Variants in NUP62CL observed in about 807,000 individuals in gnomAD.
NUP62CL encodes the protein nucleoporin-62 C-terminal-like protein.
A neutral mutation model predicts 15.3 loss-of-function variants in NUP62CL; 13 were observed. The ratio of observed to expected loss-of-function variants is 0.85; its 90% CI spans 0.55 to 1.35. NUP62CL has a LOEUF of 1.35. Among genes scored for constraint, NUP62CL ranks in the 40% most tolerant of loss-of-function variants. NUP62CL has a pLI of 0.00. For missense variants in NUP62CL, 123 were observed against 130.6 expected, an observed-to-expected ratio of 0.94 and a Z score of 0.28; for synonymous variants, 54 against 49.2, an observed-to-expected ratio of 1.10 and a Z score of -0.41.
At chrX:107,202,058 T>C (rs1163495385) in intron 1 of NUP62CL, among the ~76,000 whole-genome samples, 2 of 111,946 alleles carry the variant, frequency 1.8e-5, no homozygotes, top group Admixed American at 1.9e-4. Flanking sequence ...TAAATACAGA[T>C]TGGAAAAATG....
chrX:107,199,235 G>A (rs1297138221), intron 1 of NUP62CL, among the ~76,000 whole-genome samples: 3 of 112,123 alleles, frequency 2.7e-5, no homozygotes, highest in East Asian at 5.6e-4. Flanking sequence ...TGAGGAAGCA[G>A]AGGCTCTGAG....
chrX:107,164,580 T>C (rs768899316), intron 4 of NUP62CL, among the ~76,000 whole-genome samples: 57 of 111,544 alleles, frequency 5.1e-4, no homozygotes, highest in African/African-American at 1.6e-3. Flanking sequence ...ATCGATAAAA[T>C]TGATAAAAGA....
intron 8 of NUP62CL, among the ~76,000 whole-genome samples, chrX:107,128,833 G>A (rs1008578635): frequency 4.5e-5 from 5 of 111,852 alleles, no homozygotes; most frequent in African/African-American, 1.6e-4. Context: ...ACCAGATAGG[G>A]GTTAGATTAT....
intron 4 of NUP62CL, among the ~76,000 whole-genome samples, chrX:107,161,885 A>C (rs1445633493): frequency 1.9e-5 from 2 of 107,832 alleles, no homozygotes; most frequent in African/African-American, 6.7e-5. Flanking sequence ...CTTGAAAGAG[A>C]AAAGGCAACA....
At chrX:107,170,922 G>T (rs769419892) in intron 3 of NUP62CL, among the ~76,000 whole-genome samples, 1 of 111,802 alleles carries the variant, frequency 8.9e-6, no homozygotes, top group African/African-American at 3.3e-5. Context: ...TAGTAAAAGG[G>T]AAGTATGGTT....
chrX:107,129,275 T>C, intron 8 of NUP62CL, among the ~76,000 whole-genome samples: 1 of 111,480 alleles, frequency 9.0e-6, no homozygotes, highest in South Asian at 3.8e-4. Flanking sequence ...AAAAACAGAA[T>C]TGTCAAAGCA....
chrX:107,128,107 T>G (rs1370433526), intron 8 of NUP62CL, among the ~76,000 whole-genome samples: 2 of 112,116 alleles, frequency 1.8e-5, no homozygotes, highest in East Asian at 5.6e-4. Context: ...ACATTACTAC[T>G]GATTTAGCAT....
intron 4 of NUP62CL, among the ~76,000 whole-genome samples, chrX:107,164,805 C>T (rs1291627309): frequency 8.9e-6 from 1 of 112,949 alleles, no homozygotes; most frequent in Non-Finnish European, 1.9e-5. Flanking sequence ...CCCCTTTAGC[C>T]TAAAAGCCCC....
intron 4 of NUP62CL, among the ~76,000 whole-genome samples, chrX:107,156,184 G>C (rs1007260714): frequency 4.5e-5 from 5 of 111,848 alleles, no homozygotes; most frequent in African/African-American, 1.6e-4. Context: ...AAACTGCAAG[G>C]CGGCAGCCAG....
chrX:107,162,107 A>G (rs1396674309), intron 4 of NUP62CL, among the ~76,000 whole-genome samples: 1 of 111,251 alleles, frequency 9.0e-6, no homozygotes, highest in Non-Finnish European at 1.9e-5. Context: ...AAGCTCACCT[A>G]AGGAATTTGA....
At position 107,151,515 on chromosome X, in the gene NUP62CL, C is replaced by CCACACA. The variant is rs59950269; in HGVS notation, c.530+1651_530+1656dup. On this transcript the variant is annotated intron_variant, in intron 7 of 8. Transcript: ENST00000372466. ...TAAATTCTCGAGATTTCCACCCAAA[C>CCACACA]CACACACACACACACACACACACAC... 3.4e-3 allele frequency among the ~76,000 whole-genome samples: 332 copies of CCACACA among 98,746 alleles called. 1 individual carries two copies. The highest frequency in any genetic ancestry group is 0.011 in the African/African-American group (292 of 26,733). 85.7% of individuals were successfully genotyped at this position (98,746 alleles called of 115,157 possible). A position where few individuals can be genotyped will look rare whatever the true frequency, so the allele number is the denominator to read the frequency against.
At chrX:107,194,821 T>C (rs1927325319) in intron 1 of NUP62CL, among the ~76,000 whole-genome samples, 1 of 92,682 alleles carries the variant, frequency 1.1e-5, no homozygotes. Context: ...CTTTTTTTTT[T>C]TTTTTTTTTT....
intron 8 of NUP62CL, among the ~76,000 whole-genome samples, chrX:107,127,152 C>T (rs753086879): frequency 6.3e-5 from 7 of 111,663 alleles, no homozygotes; most frequent in Middle Eastern, 4.7e-3. Flanking sequence ...CATGTTACAA[C>T]ATAGATGAAC....
chrX:107,130,457 A>C (rs1394387672), intron 8 of NUP62CL, among the ~76,000 whole-genome samples: 1 of 112,416 alleles, frequency 8.9e-6, no homozygotes, highest in Non-Finnish European at 1.9e-5. Flanking sequence ...CAAGGTCTCA[A>C]AAAGTTTACT....
intron 8 of NUP62CL, among the ~76,000 whole-genome samples, chrX:107,132,685 G>A (rs1365248180): frequency 8.9e-6 from 1 of 111,928 alleles, no homozygotes; most frequent in Non-Finnish European, 1.9e-5. Context: ...GCCTGGGATG[G>A]GAGGTCGAGG....
chrX:107,153,894 G>C (rs1926108780), intron 5 of NUP62CL, among the ~76,000 whole-genome samples: 1 of 111,489 alleles, frequency 9.0e-6, no homozygotes, highest in Non-Finnish European at 1.9e-5. Flanking sequence ...AATTGCTTGA[G>C]CCAGGGAGAT....
chrX:107,141,852 A>T (rs371724059), intron 8 of NUP62CL, among the ~76,000 whole-genome samples: 2 of 110,215 alleles, frequency 1.8e-5, no homozygotes, highest in East Asian at 5.7e-4. Context: ...TGAAGCCAAG[A>T]GTTCGAGACC....
chrX:107,151,641 T>C (rs1926013215), intron 7 of NUP62CL, among the ~76,000 whole-genome samples: 1 of 110,707 alleles, frequency 9.0e-6, no homozygotes, highest in Non-Finnish European at 1.9e-5. Flanking sequence ...ATTAGATTTG[T>C]AGGTAACAAC....
At chrX:107,155,412 C>T (rs1926152646) in intron 4 of NUP62CL, among the ~76,000 whole-genome samples, 1 of 112,562 alleles carries the variant, frequency 8.9e-6, no homozygotes, top group Admixed American at 9.3e-5. Context: ...CTCCACTTCC[C>T]CCTGATCTGG....
Sources: allele counts gnomAD v4.1 joint callset (sites outside exome capture counted in the v4.1 genomes callset), GRCh38; gene constraint gnomAD v4.1.1; transcripts MANE v1.5; gene names NCBI Gene and HGNC (gene_info 2026-07-23, HGNC 2026-07-21).